Variants in IFNGR2 observed in about 807,000 individuals in gnomAD.
IFNGR2 encodes the protein IFN-gamma receptor 2.
In IFNGR2, 15 loss-of-function variants were observed where a neutral mutation model predicts 41.1. The observed-to-expected ratio is 0.37, with a 90% CI of 0.24 to 0.56. The LOEUF (loss-of-function observed/expected upper bound fraction) is 0.56. Among genes scored for constraint, IFNGR2 ranks in the 20% least tolerant of loss-of-function variants. The pLI is 0.81. For missense variants in IFNGR2, 362 were observed against 415.7 expected (o/e 0.87, Z 1.12); for synonymous variants, 161 against 171.6 (o/e 0.94, Z 0.48).
intron 2 of IFNGR2, among the ~76,000 whole-genome samples, 198 bp downstream of exon 2, chr21:33,415,218 T>G (rs2083745872): frequency 6.6e-6 from 1 of 152,218 alleles, no homozygotes. Context: ...TAAACTACAC[T>G]GGCAGTCAGG....
intron 1 of IFNGR2, among the ~76,000 whole-genome samples, chr21:33,410,125 A>C (rs1374099325): frequency 6.6e-6 from 1 of 151,624 alleles, no homozygotes; most frequent in Non-Finnish European, 1.5e-5. Flanking sequence ...GGTTCTCAAG[A>C]GGCAAGAAGG....
chr21:33,416,486 A>G (rs1231474766), intron 2 of IFNGR2, among the ~76,000 whole-genome samples: 2 of 152,168 alleles, frequency 1.3e-5, no homozygotes, highest in Non-Finnish European at 2.9e-5. Flanking sequence ...TTTATTGTCA[A>G]GAATAGAAAG....
intron 3 of IFNGR2, among the ~76,000 whole-genome samples, chr21:33,425,217 TC>T (rs574927830): frequency 1.0e-3 from 152 of 152,186 alleles, no homozygotes; most frequent in South Asian, 2.3e-3. Context: ...ACCATGCCCA[TC>T]CCGTGATACC....
rs121913213 is a variant in IFNGR2 at position 33,432,425 on chromosome 21, T to C, written c.721+89T>C. 12 of 1,287,080 alleles carry C rather than the reference T, an allele frequency of 9.3e-6. No homozygotes were observed. In the East Asian group the frequency reaches 2.8e-4, roughly 30 times the overall value. The allele number at this position is 1,287,080 out of a possible 1,614,324, so 79.7% of individuals were successfully genotyped here. ...CGGGGAATGCTTATGAGGTCATGGG[T>C]GGTGGGAGTGGGGAGACCCAGTGAG... On this transcript the variant is annotated intron_variant, in intron 5 of 6. Coordinates refer to ENST00000290219, the MANE Select transcript of IFNGR2 (RefSeq NM_005534.4).
At chr21:33,416,160 C>G (rs952598848) in intron 2 of IFNGR2, among the ~76,000 whole-genome samples, 17 of 152,066 alleles carry the variant, frequency 1.1e-4, no homozygotes, top group African/African-American at 4.1e-4. Context: ...CCGTGCCCAG[C>G]CTTCATAGTA....
chr21:33,426,992 GTTA>G lies in IFNGR2; in HGVS notation c.526_528del (p.Tyr176del), dbSNP rs1568959925. Reference sequence around the variant, plus strand: ...GCTGATACCTCCACGGCCTTTTTTTGTTATTATGTCCATTACTGGGAAAAAGGA... The same window carrying G: ...GCTGATACCTCCACGGCCTTTTTTTGTTATGTCCATTACTGGGAAAAAGGA... On this transcript the variant is annotated inframe_deletion, in exon 4 of 7. Transcript: ENST00000290219. 1.9e-6 allele frequency: 3 copies of G among 1,613,154 alleles called. No individual in the cohort carries two copies. Among genetic ancestry groups the G allele is most frequent in the Non-Finnish European group, 2.5e-6 (3 of 1,179,480 alleles).
chr21:33,412,536 A>G (rs116667544), intron 1 of IFNGR2, among the ~76,000 whole-genome samples: 3,263 of 152,252 alleles, frequency 0.021, 118 homozygotes, highest in African/African-American at 0.075. Flanking sequence ...TTTAATGAGG[A>G]CTGTGGTACC....
intron 3 of IFNGR2, among the ~76,000 whole-genome samples, chr21:33,423,615 G>C (rs1178933858): frequency 6.6e-6 from 1 of 151,268 alleles, no homozygotes; most frequent in East Asian, 2.0e-4. Context: ...TGTTGTCCAG[G>C]CTGGCCTCTA....
At chr21:33,404,560 C>G (rs755024581) in intron 1 of IFNGR2, among the ~76,000 whole-genome samples, 10 of 152,144 alleles carry the variant, frequency 6.6e-5, no homozygotes, top group Non-Finnish European at 1.3e-4. Flanking sequence ...ACGTCAGCCT[C>G]CCAAGAAGGT....
rs2083965843 is a variant in IFNGR2 at position 33,437,302 on chromosome 21, AG to A, written c.*341del. On this transcript the variant is annotated 3_prime_UTR_variant, in exon 7 of 7. Transcript: ENST00000290219. Reference sequence around the variant, plus strand: ...TCATTATTGGTTGGGCTGAGCAGTCAGAAGACCTGGTCGTCGTCTTGACTTT... The same window carrying A: ...TCATTATTGGTTGGGCTGAGCAGTCAAAGACCTGGTCGTCGTCTTGACTTT... 7.2e-6 allele frequency: 2 copies of A among 278,100 alleles called. No homozygotes were observed. The highest frequency in any genetic ancestry group is 5.0e-5 in the Admixed American group (1 of 20,092). 17.2% of individuals were successfully genotyped at this position (278,100 alleles called of 1,614,324 possible). A position where few individuals can be genotyped will look rare whatever the true frequency, so the allele number is the denominator to read the frequency against.
At chr21:33,432,093 A>G in intron 4 of IFNGR2, 84 bp from the exon 5 acceptor site, 2 of 1,243,216 alleles carry the variant, frequency 1.6e-6, no homozygotes, top group Non-Finnish European at 1.2e-6. Context: ...TCGTGTTCAC[A>G]GTGAATTTGA....
rs1236243498 is a variant in IFNGR2, at chr21:33,427,968, TG to T, written c.561+937del. Among the ~76,000 whole-genome samples the T allele has an allele frequency of 3.2e-4, 49 of 151,076 alleles. No homozygotes were observed. In the Admixed American group the frequency reaches 3.3e-3, roughly 10 times the overall value. On this transcript the variant is annotated intron_variant, in intron 4 of 6. Transcript: ENST00000290219. ...CTGGTCTCAGACTCCTGACCTCAGG[TG>T]ATCTGCCCACCTTGGCCACCCAAAG...
chr21:33,432,497 G>A, intron 5 of IFNGR2, 161 bp downstream of exon 5: 1 of 866,374 alleles, frequency 1.2e-6, no homozygotes, highest in East Asian at 2.5e-5. Context: ...GAGATTTGCA[G>A]TAGTGGAGGC....
intron 6 of IFNGR2, among the ~76,000 whole-genome samples, chr21:33,433,282 G>A (rs1293928031): frequency 2.0e-5 from 3 of 152,170 alleles, no homozygotes. Context: ...AGAGATTTGG[G>A]TTACAAATGG....
In IFNGR2 at chr21:33,410,720, A is replaced by G. The variant is rs538302738; in HGVS notation, c.74-4168A>G. 2.4e-4 allele frequency: 172 copies of G among 710,166 alleles called. 2 individuals carry two copies. In the South Asian group the frequency reaches 2.5e-3, roughly 10 times the overall value. 44.0% of individuals were successfully genotyped at this position (710,166 alleles called of 1,614,324 possible). On this transcript the variant is annotated intron_variant, in intron 1 of 6. Coordinates refer to ENST00000290219, the MANE Select transcript of IFNGR2 (RefSeq NM_005534.4). ...CAAACTCAGGTGATCCGCCCACCTC[A>G]GCCTCCCTAAGTGCTGGGATTACAG...
In IFNGR2 at chr21:33,436,936, C is replaced by G; in HGVS notation, c.988C>G (p.Gln330Glu). 2 of 1,613,938 alleles carry G rather than the reference C, an allele frequency of 1.2e-6. No homozygotes were observed. Among genetic ancestry groups the G allele is most frequent in the Non-Finnish European group, 1.7e-6 (2 of 1,179,924 alleles). The part of the protein sequence containing the change: ...VSIISFPEKE[Q>E]EDVLQTL ...CATTATCTCGTTTCCGGAAAAGGAGCAAGAAGATGTTCTCCAAACGCTTTG... is the reference window on the plus strand; with the variant it reads ...CATTATCTCGTTTCCGGAAAAGGAGGAAGAAGATGTTCTCCAAACGCTTTG... The change falls in exon 7 of 7, where the codon CAA (glutamine) becomes GAA (glutamate). Residue 330 changes from glutamine to glutamate, a missense_variant. By Grantham distance (29) the Gln-to-Glu change is conservative. Transcript: ENST00000290219.
intron 2 of IFNGR2, among the ~76,000 whole-genome samples, chr21:33,420,001 C>T (rs1360708628): frequency 6.6e-6 from 1 of 152,168 alleles, no homozygotes; most frequent in East Asian, 1.9e-4. Flanking sequence ...GCCCCTCACC[C>T]CCGACCTGAG....
At chr21:33,403,645 G>C in intron 1 of IFNGR2, 29 bp downstream of exon 1, 1 of 1,297,900 alleles carries the variant, frequency 7.7e-7, no homozygotes, top group South Asian at 2.1e-5. Context: ...TCCGCGGCGG[G>C]ACGCGGGCGC....
At chr21:33,404,497 G>C (rs2083663508) in intron 1 of IFNGR2, among the ~76,000 whole-genome samples, 1 of 152,006 alleles carries the variant, frequency 6.6e-6, no homozygotes, top group African/African-American at 2.4e-5. Context: ...GAGTGCAGTG[G>C]GCAGCATCTC....
Sources: allele counts gnomAD v4.1 joint callset (sites outside exome capture counted in the v4.1 genomes callset), GRCh38; gene constraint gnomAD v4.1.1; transcripts MANE v1.5; gene names NCBI Gene and HGNC (gene_info 2026-07-23, HGNC 2026-07-21).